Variants in PLCL2 observed in about 807,000 individuals in gnomAD.
PLCL2 encodes inactive phospholipase C-like protein 2.
A neutral mutation model predicts 79.6 loss-of-function variants in PLCL2; 4 were observed. The ratio of observed to expected loss-of-function variants is 0.05; its 90% CI spans 0.02 to 0.11. The LOEUF is 0.11. Ranked by LOEUF, PLCL2 falls within the 10% of genes least tolerant of loss-of-function variation. The pLI is 1.00. For missense variants in PLCL2, 895 were observed against 1,291.0 expected (o/e 0.69, Z 4.70); for synonymous variants, 484 against 457.7 (o/e 1.06, Z -0.73).
chr3:16,892,753 G>T lies in PLCL2; in HGVS notation c.327+7387G>T, dbSNP rs181784694. ...TACTAGGAGATGCTTTGTATGCATCGTCTCATGCAAGTCTCACCAGAACCT... is the reference window on the plus strand; with the variant it reads ...TACTAGGAGATGCTTTGTATGCATCTTCTCATGCAAGTCTCACCAGAACCT... On this transcript the variant is annotated intron_variant, in intron 1 of 5. Transcript: ENST00000615277. Among the ~76,000 whole-genome samples the T allele has an allele frequency of 2.0e-3, 299 of 152,212 alleles. 1 individual carries two copies. The highest frequency in any genetic ancestry group is 2.9e-3 in the Non-Finnish European group (195 of 68,008).
chr3:17,021,630 A>ACCCC (rs1553645068), intron 3 of PLCL2, among the ~76,000 whole-genome samples: 2 of 137,828 alleles, frequency 1.5e-5, no homozygotes, highest in African/African-American at 5.9e-5. Context: ...ACACACACAC[A>ACCCC]CCCCAGATAC....
chr3:16,885,245 G>T lies in PLCL2; in HGVS notation c.206G>T (p.Arg69Leu). Residue 69 changes from arginine (R) to leucine (L), a missense_variant, in exon 1 of 6, where the codon CGG becomes CTG. Physicochemically the swap from Arg to Leu is moderately radical, Grantham distance 102. Around this residue, in one of 6 missense-constraint regions of PLCL2, gnomAD observed 110 missense variants for 42.9 expected, o/e 2.56. Transcript: ENST00000615277. ...CSLGVSGDEA[R>L]ASPTRGPRGV... is the part of the protein sequence containing the mutation. ...CTCGGCGTGTCCGGGGACGAAGCCC[G>T]GGCTAGCCCTACCAGGGGACCCCGC... 2 of 666,348 alleles carry T rather than the reference G, an allele frequency of 3.0e-6. No individual in the cohort carries two copies. Among genetic ancestry groups the T allele is most frequent in the African/African-American group, 1.8e-5 (1 of 54,438 alleles). 41.3% of individuals were successfully genotyped at this position (666,348 alleles called of 1,614,324 possible).
chr3:17,003,924 G>A (rs889008394), intron 1 of PLCL2, among the ~76,000 whole-genome samples: 1 of 152,102 alleles, frequency 6.6e-6, no homozygotes, highest in Non-Finnish European at 1.5e-5. Context: ...ACAAATGAGT[G>A]CAAACTCTTC....
chr3:17,039,853 G>A (rs1013922589), intron 3 of PLCL2, among the ~76,000 whole-genome samples: 1 of 152,122 alleles, frequency 6.6e-6, no homozygotes, highest in Non-Finnish European at 1.5e-5. Context: ...CTCATGAATC[G>A]GGGGACGATA....
At chr3:16,959,048 G>T (rs774067312) in intron 1 of PLCL2, among the ~76,000 whole-genome samples, 12 of 152,166 alleles carry the variant, frequency 7.9e-5, no homozygotes, top group Non-Finnish European at 1.8e-4. Context: ...AGCAAAGGAT[G>T]CCCCAACTCT....
At chr3:16,982,568 C>G (rs2064010217) in intron 1 of PLCL2, among the ~76,000 whole-genome samples, 1 of 152,154 alleles carries the variant, frequency 6.6e-6, no homozygotes, top group African/African-American at 2.4e-5. Context: ...GTAAATAGAG[C>G]CTGGGATGGG....
At chr3:17,052,177 G>A (rs1386780558) in intron 4 of PLCL2, among the ~76,000 whole-genome samples, 1 of 141,836 alleles carries the variant, frequency 7.1e-6, no homozygotes, top group African/African-American at 2.6e-5. Flanking sequence ...CCGTCCAGAT[G>A]TTCACACGAT....
At position 16,896,156 on chromosome 3, in the gene PLCL2, T is replaced by C. The variant is rs74661525; in HGVS notation, c.327+10790T>C. Among the ~76,000 whole-genome samples, 125 of 152,348 alleles carry C rather than the reference T, an allele frequency of 8.2e-4. 1 individual carries two copies. In the East Asian group the frequency reaches 0.024, roughly 29 times the overall value. ...AACATTAATCAAACTCAGATACCAA[T>C]TGGTTACTTCCTCCTGCACTATTTA... On this transcript the variant is annotated intron_variant, in intron 1 of 5. Coordinates refer to ENST00000615277, the MANE Select transcript of PLCL2 (RefSeq NM_001144382.2).
chr3:17,076,326 G>T (rs144410065), intron 5 of PLCL2, among the ~76,000 whole-genome samples: 1 of 151,850 alleles, frequency 6.6e-6, no homozygotes, highest in African/African-American at 2.4e-5. Flanking sequence ...TTAGATATGT[G>T]AATTTGTAGT....
intron 3 of PLCL2, among the ~76,000 whole-genome samples, chr3:17,017,522 A>G (rs1403688325): frequency 7.4e-5 from 11 of 148,976 alleles, no homozygotes; most frequent in Admixed American, 3.6e-4. Context: ...GAAATGTACT[A>G]AAGGTCTCGG....
intron 1 of PLCL2, among the ~76,000 whole-genome samples, chr3:16,960,558 T>C (rs1444227618): frequency 5.1e-5 from 7 of 136,960 alleles, no homozygotes; most frequent in Non-Finnish European, 9.3e-5. Flanking sequence ...CTGCATTCTT[T>C]CTTTTGGTAA....
rs2064746021 is a variant in PLCL2, at chr3:17,043,349, G to C, written c.3094+400G>C. 1.3e-5 allele frequency among the ~76,000 whole-genome samples: 2 copies of C among 152,168 alleles called. 1 individual carries two copies. The highest frequency in any genetic ancestry group is 4.1e-4 in the South Asian group (2 of 4,828). ...TTGAGTAGAGGGAGAATGGCTTCTT[G>C]TAAAGGAGATGGATTCCAGTTACAA... is the stretch of plus-strand genomic sequence containing the variant. On this transcript the variant is annotated intron_variant, in intron 4 of 5. Transcript: ENST00000615277.
intron 1 of PLCL2, among the ~76,000 whole-genome samples, chr3:16,908,079 C>T (rs749915194): frequency 5.3e-5 from 8 of 152,112 alleles, no homozygotes; most frequent in Non-Finnish European, 1.2e-4. Flanking sequence ...ACCTCCCTTT[C>T]GTGGGTTTTC....
chr3:16,976,857 A>G (rs572520582), intron 1 of PLCL2, among the ~76,000 whole-genome samples: 3 of 152,290 alleles, frequency 2.0e-5, no homozygotes, highest in South Asian at 2.1e-4. Flanking sequence ...CTGACCTGTC[A>G]TAGATCACTC....
chr3:17,019,559 G>GTAA (rs148304168), intron 3 of PLCL2, among the ~76,000 whole-genome samples: 4,354 of 152,126 alleles, frequency 0.029, 228 homozygotes, highest in African/African-American at 0.1. Flanking sequence ...CCAAGTAACT[G>GTAA]TAATAATAAT....
At chr3:16,925,596 C>G (rs2124938498) in intron 1 of PLCL2, among the ~76,000 whole-genome samples, 1 of 152,314 alleles carries the variant, frequency 6.6e-6, no homozygotes, top group South Asian at 2.1e-4. Context: ...TTTGCCTTCC[C>G]TAAACATTTT....
intron 1 of PLCL2, among the ~76,000 whole-genome samples, chr3:16,967,516 A>G (rs1418742842): frequency 6.6e-6 from 1 of 151,938 alleles, no homozygotes; most frequent in Non-Finnish European, 1.5e-5. Context: ...TCTAATGATT[A>G]TTGTTGAGCA....
chr3:17,016,117 TC>T (rs1372363210), intron 3 of PLCL2, among the ~76,000 whole-genome samples: 1 of 152,202 alleles, frequency 6.6e-6, no homozygotes, highest in East Asian at 1.9e-4. Flanking sequence ...CACCATGAGT[TC>T]CAAGATAGTG....
At chr3:16,902,877 T>C (rs371307951) in intron 1 of PLCL2, among the ~76,000 whole-genome samples, 4 of 147,544 alleles carry the variant, frequency 2.7e-5, no homozygotes, top group Admixed American at 6.8e-5. Context: ...TGTGTGTGTG[T>C]GTGTGNGCGC....
Sources: allele counts gnomAD v4.1 joint callset (sites outside exome capture counted in the v4.1 genomes callset), GRCh38; gene constraint gnomAD v4.1.1; regional missense constraint gnomAD v4.1.1; transcripts MANE v1.5; gene names NCBI Gene and HGNC (gene_info 2026-07-23, HGNC 2026-07-21).